Variants in TMOD3 observed in about 807,000 individuals in gnomAD.
The protein encoded by TMOD3 is tropomodulin 3.
Under a neutral mutation model 39.2 loss-of-function variants are expected in TMOD3, and 20 were observed. The observed-to-expected ratio is 0.51, with a 90% CI of 0.36 to 0.74. TMOD3 has a LOEUF of 0.74. Ranked by LOEUF, TMOD3 falls within the 30% of genes least tolerant of loss-of-function variation. The probability of loss-of-function intolerance (pLI) is 0.00; values close to 1 mark genes in which losing one functional copy is unlikely to be tolerated. For synonymous variants in TMOD3, 143 were observed against 145.8 expected, an observed-to-expected ratio of 0.98 and a Z score of 0.14; for missense variants, 381 against 412.8, an observed-to-expected ratio of 0.92 and a Z score of 0.67.
At chr15:51,857,836 T>A (rs1026570039) in intron 1 of TMOD3, among the ~76,000 whole-genome samples, 1 of 152,292 alleles carries the variant, frequency 6.6e-6, no homozygotes, top group Non-Finnish European at 1.5e-5. Flanking sequence ...TACCCTTATC[T>A]GTCTGAAATA....
intron 3 of TMOD3, among the ~76,000 whole-genome samples, chr15:51,873,434 C>T (rs2056486253): frequency 6.6e-6 from 1 of 152,160 alleles, no homozygotes; most frequent in South Asian, 2.1e-4. Context: ...GTTTGCAAAC[C>T]TACCTCTATT....
At chr15:51,849,175 G>C (rs547572348) in intron 1 of TMOD3, among the ~76,000 whole-genome samples, 23 of 152,306 alleles carry the variant, frequency 1.5e-4, no homozygotes, top group African/African-American at 5.5e-4. Flanking sequence ...ATCATGTGTG[G>C]AGTGCGAGAG....
intron 1 of TMOD3, among the ~76,000 whole-genome samples, chr15:51,843,846 T>C (rs935953691): frequency 6.6e-6 from 1 of 151,962 alleles, no homozygotes; most frequent in African/African-American, 2.4e-5. Context: ...AATATATAAT[T>C]ACATATTTCT....
intron 1 of TMOD3, among the ~76,000 whole-genome samples, chr15:51,851,488 G>A (rs1306446943): frequency 1.3e-5 from 2 of 152,162 alleles, no homozygotes; most frequent in Non-Finnish European, 2.9e-5. Context: ...GTTTTATTTA[G>A]TAACTTTTGA....
intron 5 of TMOD3, among the ~76,000 whole-genome samples, chr15:51,891,894 G>C (rs2593165): frequency 0.049 from 7,414 of 152,144 alleles, 417 homozygotes; most frequent in African/African-American, 0.12. Context: ...TTGTTCTAAC[G>C]CAGCCTCTCA....
At chr15:51,837,038 A>G (rs2056288908) in intron 1 of TMOD3, among the ~76,000 whole-genome samples, 1 of 151,870 alleles carries the variant, frequency 6.6e-6, no homozygotes, top group Non-Finnish European at 1.5e-5. Flanking sequence ...GAATAAAAAC[A>G]TGGTAAACTA....
chr15:51,835,869 A>G (rs994859073), intron 1 of TMOD3, among the ~76,000 whole-genome samples: 3 of 152,182 alleles, frequency 2.0e-5, no homozygotes, highest in African/African-American at 7.2e-5. Context: ...TAGTGTGCAT[A>G]TTGTTTTTTG....
chr15:51,868,707 C>T lies in TMOD3; in HGVS notation c.127-510C>T, dbSNP rs59687510. ...AAAACGTATGCTGGGCGCGGTGGCT[C>T]ACACCTGTAATCCCAACACTTTGGG... On this transcript the variant is annotated intron_variant, in intron 2 of 9. Transcript: ENST00000308580. Among the ~76,000 whole-genome samples the T allele has an allele frequency of 3.5e-3, 536 of 151,308 alleles. 4 individuals carry two copies. Among genetic ancestry groups the T allele is most frequent in the African/African-American group, 0.012 (505 of 41,466 alleles).
intron 3 of TMOD3, among the ~76,000 whole-genome samples, chr15:51,874,823 G>A (rs1245684946): frequency 6.6e-6 from 1 of 152,110 alleles, no homozygotes; most frequent in Non-Finnish European, 1.5e-5. Flanking sequence ...ATCCTATACA[G>A]AGATGTGCAT....
At chr15:51,834,985 C>T (rs1172648997) in intron 1 of TMOD3, 2 of 152,200 alleles carry the variant, frequency 1.3e-5, no homozygotes, top group Non-Finnish European at 2.9e-5. Context: ...GTTTATGCTC[C>T]TCTTCCAGAT....
At chr15:51,854,289 T>G (rs1456956889) in intron 1 of TMOD3, among the ~76,000 whole-genome samples, 1 of 152,246 alleles carries the variant, frequency 6.6e-6, no homozygotes, top group East Asian at 1.9e-4. Flanking sequence ...TGAATGAATG[T>G]GAATGTGTTC....
chr15:51,854,384 T>C (rs975958157), intron 1 of TMOD3, among the ~76,000 whole-genome samples: 3 of 152,208 alleles, frequency 2.0e-5, no homozygotes, highest in African/African-American at 7.2e-5. Flanking sequence ...ATATGAGTTA[T>C]ATAAGGCTTT....
chr15:51,881,325 T>C (rs1566862168), intron 3 of TMOD3, among the ~76,000 whole-genome samples: 3 of 152,162 alleles, frequency 2.0e-5, no homozygotes, highest in South Asian at 2.1e-4. Flanking sequence ...GCATTCCTTA[T>C]ATATTCTGGA....
Position 51,912,049 on chromosome 15 carries a change from T to C in TMOD3, c.*3239T>C, listed in dbSNP as rs956742572. The C allele has an allele frequency of 2.0e-5, 3 of 152,224 alleles. No homozygotes were observed. Among genetic ancestry groups the C allele is most frequent in the African/African-American group, 7.2e-5 (3 of 41,464 alleles). The allele number at this position is 152,224 out of a possible 1,614,324, so 9.4% of individuals were successfully genotyped here. ...TGGAGAAGTTACATGTAAATAGAAT[T>C]CTATAAATTGTTTTCCAGTTGACCG... On this transcript the variant is annotated 3_prime_UTR_variant, in exon 10 of 10. Transcript: ENST00000308580.
rs1330035677 is a variant in TMOD3 at position 51,909,973 on chromosome 15, G to A, written c.*1163G>A. 1.3e-4 allele frequency: 20 copies of A among 152,252 alleles called. No homozygotes were observed. Among genetic ancestry groups the A allele is most frequent in the Admixed American group, 8.5e-4 (13 of 15,288 alleles). The allele number at this position is 152,252 out of a possible 1,614,324, so 9.4% of individuals were successfully genotyped here. A position where few individuals can be genotyped will look rare whatever the true frequency, so the allele number is the denominator to read the frequency against. ...TATAAAAGTCATTTCTATAATAAAA[G>A]CAGTCTTTCTTGCTCAAAGTATTAA... On this transcript the variant is annotated 3_prime_UTR_variant, in exon 10 of 10. Transcript: ENST00000308580.
intron 1 of TMOD3, among the ~76,000 whole-genome samples, chr15:51,839,165 C>CTTTTTTTCTT (rs2056301143): frequency 2.8e-5 from 3 of 108,970 alleles, no homozygotes; most frequent in African/African-American, 9.2e-5. Context: ...GTGTATCTCT[C>CTTTTTTTCTT]TTTTTTTTTT....
chr15:51,873,395 A>G (rs1028033888), intron 3 of TMOD3, among the ~76,000 whole-genome samples: 1 of 152,258 alleles, frequency 6.6e-6, no homozygotes, highest in Admixed American at 6.5e-5. Flanking sequence ...TTTCCCAGGC[A>G]ATAGAGGTTT....
At chr15:51,875,989 T>TA (rs2056501103) in intron 3 of TMOD3, among the ~76,000 whole-genome samples, 2 of 152,212 alleles carry the variant, frequency 1.3e-5, no homozygotes, top group African/African-American at 4.8e-5. Context: ...TTAGGATTGT[T>TA]ATGTCCCCTT....
At chr15:51,860,916 A>G in intron 1 of TMOD3, 1 of 430,992 alleles carries the variant, frequency 2.3e-6, no homozygotes, top group Non-Finnish European at 4.6e-6. Flanking sequence ...AGCCTAGGCG[A>G]CAGAGCAAGA....
Sources: gnomAD v4.1 joint callset for allele counts (sites outside exome capture counted in the v4.1 genomes callset) on GRCh38, gnomAD v4.1.1 for gene constraint, MANE v1.5 for transcripts, NCBI Gene and HGNC (gene_info 2026-07-23, HGNC 2026-07-21) for gene names.